WNT5A: variants seen among roughly 807,000 people sequenced by gnomAD.
The protein encoded by WNT5A is Wnt family member 5A.
WNT5A carries 9 observed loss-of-function variants against 42.1 expected under a neutral mutation model. The observed-to-expected ratio is 0.21, with a 90% confidence interval of 0.13 to 0.37. The LOEUF is 0.37. WNT5A is among the 10% of genes least tolerant of loss of function. The pLI, the probability that WNT5A is intolerant of heterozygous loss-of-function variation, is 1.00. For missense variants in WNT5A, 426 were observed against 534.0 expected (o/e 0.80, Z 1.99); for synonymous variants, 210 against 210.0 (o/e 1.00, Z 0.00).
intron 1 of WNT5A, 85 bp downstream of exon 1, chr3:55,486,894 AG>A: frequency 1.1e-6 from 1 of 923,362 alleles, no homozygotes; most frequent in South Asian, 1.3e-5. Flanking sequence ...ATGGAGGGAT[AG>A]GAAGAGGCGA....
chr3:55,474,231 AAGGAGTGGCAG>A (rs1193832714), intron 4 of WNT5A, 95 bp downstream of exon 4: 1 of 1,412,452 alleles, frequency 7.1e-7, no homozygotes, highest in Non-Finnish European at 9.8e-7. Flanking sequence ...CCATATAGCA[AAGGAGTGGCAG>A]AGGAGAGGAC....
Position 55,479,506 on chromosome 3 carries a change from G to T in WNT5A, c.199C>A (p.Pro67Thr), listed in dbSNP as rs1575402691. Residue 67 changes from proline to threonine, a missense_variant, in exon 3 of 5, where the codon CCT becomes ACT. This residue lies in a region of WNT5A where 358 missense variants were observed against 468.1 expected (regional missense o/e 0.76). Coordinates refer to ENST00000264634, the MANE Select transcript of WNT5A (RefSeq NM_003392.7). ...AGTCCTGCCAGTTGGCTGCAGAGAG[G>T]CTGTGCTCCTATAATATATACTTCT... is the stretch of plus-strand genomic sequence containing the variant. ...MSEVYIIGAQ[P>T]LCSQLAGLSQ... is the part of the protein sequence containing the mutation. 1.1e-5 allele frequency: 17 copies of T among 1,613,868 alleles called. No homozygotes were observed. Among genetic ancestry groups the T allele is most frequent in the Non-Finnish European group, 1.4e-5 (16 of 1,179,792 alleles).
chr3:55,473,253 T>C (rs556874), intron 4 of WNT5A, among the ~76,000 whole-genome samples: 90,661 of 152,030 alleles, frequency 0.6, 27,951 homozygotes, highest in African/African-American at 0.74. Context: ...TCTAAGGCTC[T>C]GTCCAGTCCT....
At chr3:55,481,467 G>A in intron 1 of WNT5A, 1 of 886,534 alleles carries the variant, frequency 1.1e-6, no homozygotes, top group Non-Finnish European at 1.4e-6. Context: ...GGGGCAGGAC[G>A]CGGGAGGGAA....
At chr3:55,475,798 G>A (rs2051346686) in intron 3 of WNT5A, among the ~76,000 whole-genome samples, 1 of 152,142 alleles carries the variant, frequency 6.6e-6, no homozygotes, top group Non-Finnish European at 1.5e-5. Flanking sequence ...GAGAAAACTG[G>A]AGGCTATCAT....
chr3:55,474,739 G>T lies in WNT5A; in HGVS notation c.392-110C>A, dbSNP rs1207384281. The T allele has an allele frequency of 9.2e-6, 8 of 873,590 alleles. No homozygotes were observed. In the South Asian group the frequency reaches 3.0e-4, roughly 32 times the overall value. The allele number at this position is 873,590 out of a possible 1,614,324, so 54.1% of individuals were successfully genotyped here. ...AGGGAATGGTGGGGAGGTAGGAGGT[G>T]GGGGGCAAGGTAGAGATGGAGGGGA... is the stretch of plus-strand genomic sequence containing the variant. On this transcript the variant is annotated intron_variant, in intron 3 of 4. Transcript: ENST00000264634.
the WNT5A span, among the ~76,000 whole-genome samples, chr3:55,499,783 T>C: frequency 6.6e-6 from 1 of 152,052 alleles, no homozygotes; most frequent in Admixed American, 6.5e-5. Flanking sequence ...GAGACCAGCC[T>C]GGCTAACATT....
chr3:55,474,778 G>A (rs1575398983), intron 3 of WNT5A, 149 bp from the exon 4 acceptor site: 1 of 177,896 alleles, frequency 5.6e-6, no homozygotes, highest in South Asian at 3.7e-4. Context: ...AGGAGGTGGG[G>A]TTGGGGCGAG....
chr3:55,475,234 G>T (rs1488397923), intron 3 of WNT5A, among the ~76,000 whole-genome samples: 3 of 152,130 alleles, frequency 2.0e-5, no homozygotes, highest in African/African-American at 7.2e-5. Flanking sequence ...TCAGAATATG[G>T]GTAGACTTCC....
chr3:55,473,428 T>C (rs1383456753), intron 4 of WNT5A, among the ~76,000 whole-genome samples: 1 of 152,240 alleles, frequency 6.6e-6, no homozygotes, highest in Admixed American at 6.5e-5. Flanking sequence ...CCCCTTCATT[T>C]TAAAGCAGCC....
rs200027834 is a variant in WNT5A at position 55,480,927 on chromosome 3, G to A, written c.7-9C>T. ...AATATTCCAATGGACTTCTGGAGAG[G>A]GAAGAAAGGAGCAGATGTTTATTGC... On this transcript the variant is annotated splice_polypyrimidine_tract_variant and intron_variant, in intron 1 of 4. Coordinates refer to ENST00000264634, the MANE Select transcript of WNT5A (RefSeq NM_003392.7). The A allele has an allele frequency of 1.3e-6, 2 of 1,512,214 alleles. No individual in the cohort carries two copies. Among genetic ancestry groups the A allele is most frequent in the East Asian group, 2.3e-5 (1 of 42,872 alleles). 93.7% of individuals were successfully genotyped at this position (1,512,214 alleles called of 1,614,324 possible).
Position 55,468,660 on chromosome 3 carries a change from A to G in WNT5A, c.*1432T>C, listed in dbSNP as rs2051190459. The G allele has an allele frequency of 6.7e-6, 1 of 150,270 alleles. No homozygotes were observed. Among genetic ancestry groups the G allele is most frequent in the South Asian group, 2.1e-4 (1 of 4,824 alleles). 9.3% of individuals were successfully genotyped at this position (150,270 alleles called of 1,614,324 possible). Reference sequence around the variant, plus strand: ...TATATTTATATATATGTATATATATATATATGTTATGTACAAAAGACTTTG... The same window carrying G: ...TATATTTATATATATGTATATATATGTATATGTTATGTACAAAAGACTTTG... On this transcript the variant is annotated 3_prime_UTR_variant, in exon 5 of 5. Transcript: ENST00000264634.
chr3:55,487,320 C>T, upstream of WNT5A: 1 of 377,800 alleles, frequency 2.6e-6, no homozygotes, highest in Non-Finnish European at 4.7e-6. Context: ...CGGAGAGGCG[C>T]TCCGTTTCCA....
rs369199693 is a variant in WNT5A, at chr3:55,473,421, C to T, written c.684+916G>A. 4.6e-5 allele frequency among the ~76,000 whole-genome samples: 7 copies of T among 152,340 alleles called. No individual in the cohort carries two copies. The South Asian group carries it at 1.2e-3, about 27-fold the overall frequency. ...CCAAAGTTAAGAAAAGTTTTCACCC[C>T]TTCATTTTAAAGCAGCCATAAAGTG... On this transcript the variant is annotated intron_variant, in intron 4 of 4. Transcript: ENST00000264634.
Position 55,474,388 on chromosome 3 carries a change from G to A in WNT5A, c.633C>T (p.Tyr211=), listed in dbSNP as rs923446035. The A allele has an allele frequency of 6.2e-7, 1 of 1,612,900 alleles. No individual in the cohort carries two copies. Among genetic ancestry groups the A allele is most frequent in the Non-Finnish European group, 8.5e-7 (1 of 1,179,778 alleles). The change falls in exon 4 of 5, where the codon TAC becomes TAT. Residue 211 remains tyrosine, a synonymous_variant. Coordinates refer to ENST00000264634, the MANE Select transcript of WNT5A (RefSeq NM_003392.7). The part of the protein sequence containing the change: ...ERERIHAKGS[Y]ESARILMNLH... ...GGTTCATGAGGATGCGAGCACTCTC[G>A]TAGGAGCCCTTGGCGTGGATGCGCT...
rs2051312169 is a variant in WNT5A at position 55,474,468 on chromosome 3, T to C, written c.553A>G (p.Asn185Asp). Reference protein sequence around the residue: ...RDWLWGGCGDNIDYGYRFAKE... With the variant: ...RDWLWGGCGDDIDYGYRFAKE... ...GCAAAGCGGTAGCCATAGTCGATGT[T>C]GTCGCCGCAGCCGCCCCAGAGCCAG... The change falls in exon 4 of 5, where the codon AAC (asparagine) becomes GAC (aspartate). Residue 185 changes from asparagine (N) to aspartate (D), a missense_variant. This residue lies in a region of WNT5A where 358 missense variants were observed against 468.1 expected (regional missense o/e 0.76). Transcript: ENST00000264634. 2 of 1,605,252 alleles carry C rather than the reference T, an allele frequency of 1.2e-6. No homozygotes were observed. The highest frequency in any genetic ancestry group is 1.7e-6 in the Non-Finnish European group (2 of 1,177,006).
intron 3 of WNT5A, among the ~76,000 whole-genome samples, chr3:55,477,175 T>A (rs911570989): frequency 3.3e-5 from 5 of 152,202 alleles, no homozygotes; most frequent in Admixed American, 1.3e-4. Flanking sequence ...GCATCAAAGG[T>A]ATTTTAAATT....
At chr3:55,497,558 C>T in the WNT5A span, 1 of 152,242 alleles carries the variant, frequency 6.6e-6, no homozygotes, top group African/African-American at 2.4e-5. Flanking sequence ...ATACAATTTT[C>T]TTCTACTTCT....
chr3:55,502,197 T>C, the WNT5A span, among the ~76,000 whole-genome samples: 1 of 152,178 alleles, frequency 6.6e-6, no homozygotes, highest in Non-Finnish European at 1.5e-5. Context: ...CTGGTCACCT[T>C]AAGAAATTCC....
Sources: allele counts gnomAD v4.1 joint callset (sites outside exome capture counted in the v4.1 genomes callset), GRCh38; gene constraint gnomAD v4.1.1; regional missense constraint gnomAD v4.1.1; transcripts MANE v1.5; gene names NCBI Gene and HGNC (gene_info 2026-07-23, HGNC 2026-07-21).